The following GRIA4 variants were observed in gnomAD, a reference collection of about 807,000 sequenced individuals.
GRIA4 encodes the protein glutamate receptor 4.
A neutral mutation model predicts 104.0 loss-of-function variants in GRIA4; 34 were observed. That is an observed-to-expected ratio of 0.33 (90% CI 0.25 to 0.44). GRIA4 has a LOEUF of 0.44. Ranked by LOEUF, GRIA4 falls within the 20% of genes least tolerant of loss-of-function variation. The pLI is 1.00. For missense variants in GRIA4, 750 were observed against 1,096.5 expected (o/e 0.68, Z 4.46); for synonymous variants, 386 against 381.9 (o/e 1.01, Z -0.13).
At chr11:105,679,721 C>A (rs985273189) in intron 3 of GRIA4, among the ~76,000 whole-genome samples, 1 of 152,076 alleles carries the variant, frequency 6.6e-6, no homozygotes, top group African/African-American at 2.4e-5. Context: ...CACACACGAA[C>A]ATATTTATGA....
At chr11:105,859,818 C>T (rs1478247607) in intron 4 of GRIA4, among the ~76,000 whole-genome samples, 7 of 152,006 alleles carry the variant, frequency 4.6e-5, no homozygotes, top group African/African-American at 1.7e-4. Flanking sequence ...TTTTTAAAAG[C>T]ATTCATTTTA....
At chr11:105,964,250 G>T (rs966943800) in intron 14 of GRIA4, among the ~76,000 whole-genome samples, 1 of 152,120 alleles carries the variant, frequency 6.6e-6, no homozygotes, top group African/African-American at 2.4e-5. Flanking sequence ...GGAAATGTAG[G>T]AGTAGCTAAT....
intron 3 of GRIA4, among the ~76,000 whole-genome samples, chr11:105,649,986 G>A (rs966307395): frequency 3.3e-5 from 5 of 151,998 alleles, no homozygotes; most frequent in African/African-American, 4.8e-5. Flanking sequence ...AGCTTTGAGA[G>A]AATATGTTAA....
intron 5 of GRIA4, among the ~76,000 whole-genome samples, chr11:105,880,096 C>T (rs772814738): frequency 1.3e-5 from 2 of 152,132 alleles, no homozygotes; most frequent in Non-Finnish European, 2.9e-5. Flanking sequence ...ACAAATGTCT[C>T]CTTAATTTAA....
rs113300178 is a variant in GRIA4, at chr11:105,622,839, AC to A, written c.247+10412del. On this transcript the variant is annotated intron_variant, in intron 3 of 16. Coordinates refer to ENST00000282499, the MANE Select transcript of GRIA4 (RefSeq NM_000829.4). ...ATTTATCATCATCCACCCTCCTCTA[AC>A]CCCCCCATTATTCAGAGTCTACAAT... Among the ~76,000 whole-genome samples the A allele has an allele frequency of 9.9e-3, 1,484 of 149,274 alleles. 26 individuals carry two copies. The highest frequency in any genetic ancestry group is 0.045 in the East Asian group (229 of 5,084).
At chr11:105,640,677 T>A (rs992442209) in intron 3 of GRIA4, among the ~76,000 whole-genome samples, 5 of 151,990 alleles carry the variant, frequency 3.3e-5, no homozygotes, top group Non-Finnish European at 7.4e-5. Flanking sequence ...TTATTTCTAT[T>A]TAATATATTT....
At position 105,979,691 on chromosome 11, in the gene GRIA4, A is replaced by C; in HGVS notation, c.2661A>C (p.Ala887=). 1.2e-6 allele frequency: 2 copies of C among 1,614,060 alleles called. No homozygotes were observed. The highest frequency in any genetic ancestry group is 1.7e-6 in the Non-Finnish European group (2 of 1,179,894). Residue 887 remains alanine, a synonymous_variant, in exon 17 of 17, where the codon GCA becomes GCC. Coordinates refer to ENST00000282499, the MANE Select transcript of GRIA4 (RefSeq NM_000829.4). ...DCPKAVHTGT[A]IRQSSGLAVI... ...CAAAGGCTGTACACACTGGAACTGC[A>C]ATCAGACAAAGTTCAGGATTGGCTG...
intron 4 of GRIA4, among the ~76,000 whole-genome samples, chr11:105,860,965 A>G (rs1945201222): frequency 1.3e-5 from 2 of 150,304 alleles, no homozygotes; most frequent in Admixed American, 6.6e-5. Context: ...TGAAAAAAAA[A>G]AAAAAAAAAA....
chr11:105,942,779 A>G (rs1461925764), intron 14 of GRIA4, among the ~76,000 whole-genome samples: 2 of 152,130 alleles, frequency 1.3e-5, no homozygotes, highest in South Asian at 2.1e-4. Flanking sequence ...CATAAATTTT[A>G]GCTTATTTTA....
chr11:105,863,826 T>C (rs1945313211), intron 5 of GRIA4, among the ~76,000 whole-genome samples: 2 of 152,282 alleles, frequency 1.3e-5, no homozygotes, highest in South Asian at 4.1e-4. Flanking sequence ...GGCAATTGAG[T>C]GCCTAAAGCA....
At chr11:105,614,467 C>T (rs897635001) in intron 3 of GRIA4, 1 of 151,680 alleles carries the variant, frequency 6.6e-6, no homozygotes, top group Admixed American at 6.6e-5. Flanking sequence ...TAGCAAGTTG[C>T]ATACAGAATT....
intron 4 of GRIA4, among the ~76,000 whole-genome samples, chr11:105,786,475 C>T (rs890798580): frequency 6.6e-6 from 1 of 152,148 alleles, no homozygotes; most frequent in African/African-American, 2.4e-5. Context: ...AGATGACACA[C>T]TAAACAGTAT....
chr11:105,756,071 C>T (rs1940294315), intron 4 of GRIA4, among the ~76,000 whole-genome samples: 1 of 152,084 alleles, frequency 6.6e-6, no homozygotes, highest in Non-Finnish European at 1.5e-5. Flanking sequence ...CTTTATGTAT[C>T]TGTATATATT....
chr11:105,806,607 G>T (rs890551923), intron 4 of GRIA4, among the ~76,000 whole-genome samples: 1 of 151,814 alleles, frequency 6.6e-6, no homozygotes, highest in African/African-American at 2.4e-5. Context: ...ACACAAAACA[G>T]TTTAGAGAAG....
At chr11:105,774,456 A>G (rs1941365323) in intron 4 of GRIA4, among the ~76,000 whole-genome samples, 1 of 152,078 alleles carries the variant, frequency 6.6e-6, no homozygotes, top group South Asian at 2.1e-4. Flanking sequence ...AAATTGAAGG[A>G]ATAGGGAAAA....
intron 4 of GRIA4, chr11:105,798,023 T>A: frequency 3.1e-6 from 1 of 327,842 alleles, no homozygotes; most frequent in Non-Finnish European, 6.1e-6. Flanking sequence ...TATCCTAGAT[T>A]CAGCAATAAT....
chr11:105,781,694 C>A (rs1457589859), intron 4 of GRIA4, among the ~76,000 whole-genome samples: 1 of 152,032 alleles, frequency 6.6e-6, no homozygotes, highest in Non-Finnish European at 1.5e-5. Flanking sequence ...TTTTAACAAT[C>A]ATTTACAAAC....
At chr11:105,688,156 C>CTATATCTCTATCTATCTA (rs373564678) in intron 3 of GRIA4, among the ~76,000 whole-genome samples, 2,437 of 71,842 alleles carry the variant, frequency 0.034, 41 homozygotes, top group Non-Finnish European at 0.046. Context: ...ATATCTATAT[C>CTATATCTCTATCTATCTA]TCTATCTATC....
At chr11:105,813,829 G>A (rs1943271295) in intron 4 of GRIA4, among the ~76,000 whole-genome samples, 1 of 152,024 alleles carries the variant, frequency 6.6e-6, no homozygotes, top group Non-Finnish European at 1.5e-5. Context: ...GACAATGACA[G>A]ATCATAACAG....
Sources: gnomAD v4.1 joint callset for allele counts (sites outside exome capture counted in the v4.1 genomes callset) on GRCh38, gnomAD v4.1.1 for gene constraint, MANE v1.5 for transcripts, NCBI Gene and HGNC (gene_info 2026-07-23, HGNC 2026-07-21) for gene names.